The following FOXN1 variants were observed in gnomAD, a reference collection of about 807,000 sequenced individuals.
FOXN1 encodes forkhead box N1.
In FOXN1, 15 loss-of-function variants were observed where a neutral mutation model predicts 49.0. The ratio of observed to expected loss-of-function variants is 0.31; its 90% CI spans 0.20 to 0.47. The LOEUF (loss-of-function observed/expected upper bound fraction) is 0.47, where lower values mean the gene tolerates loss of function less well. Among genes scored for constraint, FOXN1 ranks in the 20% least tolerant of loss-of-function variants. FOXN1 has a pLI of 1.00. For synonymous variants in FOXN1, 356 were observed against 369.0 expected, an observed-to-expected ratio of 0.96 and a Z score of 0.40; for missense variants, 800 against 842.8, an observed-to-expected ratio of 0.95 and a Z score of 0.63.
chr17:28,527,200 G>A lies in FOXN1; in HGVS notation c.589-51G>A, dbSNP rs758508712. On this transcript the variant is annotated intron_variant, in intron 3 of 8. Transcript: ENST00000579795. ...TGTAAGGTTCAAGACACAGGAAAGA[G>A]GAAGGGAGAAAATAAGGCCTAATCT... 20 of 1,232,078 alleles carry A rather than the reference G, an allele frequency of 1.6e-5. No individual in the cohort carries two copies. The Middle Eastern group carries it at 5.6e-4, about 35-fold the overall frequency. The allele number at this position is 1,232,078 out of a possible 1,614,324, so 76.3% of individuals were successfully genotyped here.
Position 28,524,872 on chromosome 17 carries a change from G to C in FOXN1, c.493G>C (p.Val165Leu). The C allele has an allele frequency of 1.2e-6, 2 of 1,613,696 alleles. No individual in the cohort carries two copies. Among genetic ancestry groups the C allele is most frequent in the Middle Eastern group, 1.7e-4 (1 of 6,056 alleles). Residue 165 changes from valine to leucine, a missense_variant, in exon 3 of 9, where the codon GTG (valine) becomes CTG (leucine). By Grantham distance (32) the Val-to-Leu change is conservative (BLOSUM62 1). This residue lies in a region of FOXN1 where 383 missense variants were observed against 357.9 expected (regional missense o/e 1.07). Transcript: ENST00000579795. ...LEAFEEIPVD[V>L]AEAEAFLPGF... ...GGCCTTCGAGGAGATCCCAGTGGAC[G>C]TGGCGGAGGCCGAGGCCTTCCTGCC... is the stretch of plus-strand genomic sequence containing the variant.
Position 28,524,963 on chromosome 17 carries a change from T to C in FOXN1, c.584T>C (p.Val195Ala). 1.2e-6 allele frequency: 2 copies of C among 1,606,596 alleles called. No individual in the cohort carries two copies. Among genetic ancestry groups the C allele is most frequent in the Non-Finnish European group, 1.7e-6 (2 of 1,176,914 alleles). Reference sequence around the variant, plus strand: ...CCCAGCCAGGAGCATGGCCCCCAAGTCCTGGTGAGTACTAGTGGCCAGCGA... The same window carrying C: ...CCCAGCCAGGAGCATGGCCCCCAAGCCCTGGTGAGTACTAGTGGCCAGCGA... ...PYPSQEHGPQVLGSEVKVKPP... is the reference protein window; with the variant it reads ...PYPSQEHGPQALGSEVKVKPP... Residue 195 changes from valine to alanine, a missense_variant, in exon 3 of 9, where the codon GTC becomes GCC. Physicochemically the swap from Val to Ala is moderately conservative, Grantham distance 64 (BLOSUM62 0). Transcript: ENST00000579795.
At chr17:28,523,795 TCTCTCTCTCTCTC>T (rs1597549397) in intron 1 of FOXN1, 148 bp from the exon 2 acceptor site, 11 of 18,516 alleles carry the variant, frequency 5.9e-4, no homozygotes, top group Non-Finnish European at 1.8e-3. Context: ...TCTCTGGTTC[TCTCTCTCTCTCTC>T]TCTCTCTCTC....
chr17:28,537,272 G>T lies in FOXN1; in HGVS notation c.1783G>T (p.Gly595Cys). Residue 595 changes from glycine (G) to cysteine (C), a missense_variant, in exon 9 of 9, where the codon GGT (glycine) becomes TGT (cysteine). Around this residue, in one of 3 missense-constraint regions of FOXN1, gnomAD observed 344 missense variants for 366.1 expected, o/e 0.94. Transcript: ENST00000579795. ...TCTGACAGAGACAGGCAGTGGGGCA[G>T]GTGACTTGGCAGCCCCGGGCAGTGG... ...PCLTETGSGA[G>C]DLAAPGSGGS... The T allele has an allele frequency of 6.2e-7, 1 of 1,614,058 alleles. No individual in the cohort carries two copies. The highest frequency in any genetic ancestry group is 1.1e-5 in the South Asian group (1 of 91,082).
chr17:28,533,287 C>T (rs2069959759), intron 6 of FOXN1, among the ~76,000 whole-genome samples: 1 of 152,022 alleles, frequency 6.6e-6, no homozygotes, highest in Admixed American at 6.5e-5. Context: ...CCACAGTCAG[C>T]CCCTGCTGAA....
rs10527420 is a variant in FOXN1, at chr17:28,523,792, T to TTCTCTCTC, written c.-14-131_-14-124dup. 5.1e-3 allele frequency: 3,282 copies of TTCTCTCTC among 649,048 alleles called. 17 individuals are homozygous for TTCTCTCTC. Among genetic ancestry groups the TTCTCTCTC allele is most frequent in the African/African-American group, 0.014 (700 of 51,622 alleles). The allele number at this position is 649,048 out of a possible 1,614,324, so 40.2% of individuals were successfully genotyped here. ...TCTCTTTCTCTCTCTCGCTCTCTGG[T>TTCTCTCTC]TCTCTCTCTCTCTCTCTCTCTCTCT... On this transcript the variant is annotated intron_variant, in intron 1 of 8. Transcript: ENST00000579795.
chr17:28,513,534 C>T (rs1410047914), intron 1 of FOXN1, among the ~76,000 whole-genome samples: 1 of 152,234 alleles, frequency 6.6e-6, no homozygotes, highest in Non-Finnish European at 1.5e-5. Context: ...TCTATCCACC[C>T]ATCCATCCAG....
intron 1 of FOXN1, among the ~76,000 whole-genome samples, chr17:28,522,429 C>T (rs2069659874): frequency 6.6e-6 from 1 of 152,160 alleles, no homozygotes; most frequent in Non-Finnish European, 1.5e-5. Flanking sequence ...GGCAGATCAT[C>T]TGAGGTCAGG....
intron 1 of FOXN1, among the ~76,000 whole-genome samples, chr17:28,513,379 A>G (rs1327450994): frequency 6.6e-6 from 1 of 151,952 alleles, no homozygotes; most frequent in Non-Finnish European, 1.5e-5. Flanking sequence ...TCACAGAAAT[A>G]AAAATACTTA....
chr17:28,524,699 C>A lies in FOXN1; in HGVS notation c.320C>A (p.Ala107Asp). 1 of 1,612,892 alleles carries A rather than the reference C, an allele frequency of 6.2e-7. No homozygotes were observed. Among genetic ancestry groups the A allele is most frequent in the Non-Finnish European group, 8.5e-7 (1 of 1,179,602 alleles). The change falls in exon 3 of 9, where the codon GCC (alanine) becomes GAC (aspartate). Residue 107 changes from alanine to aspartate, a missense_variant. Coordinates refer to ENST00000579795, the MANE Select transcript of FOXN1 (RefSeq NM_001369369.1). ...DKYPGFGFEEAAASSPGRFLK... is the reference protein window; with the variant it reads ...DKYPGFGFEEDAASSPGRFLK... ...TATCCTGGCTTTGGCTTTGAGGAGG[C>A]CGCAGCAAGCAGCCCTGGGCGATTC...
chr17:28,537,534 A>T lies in FOXN1; in HGVS notation c.*98A>T. ...ACCTTAAAGGTCAAGGAAGGAAAAT[A>T]CTACCTGTCCCCTATGCCACTAAGC... On this transcript the variant is annotated 3_prime_UTR_variant, in exon 9 of 9. Coordinates refer to ENST00000579795, the MANE Select transcript of FOXN1 (RefSeq NM_001369369.1). 1.1e-6 allele frequency: 1 copy of T among 938,574 alleles called. No homozygotes were observed. Among genetic ancestry groups the T allele is most frequent in the Non-Finnish European group, 1.7e-6 (1 of 590,112 alleles). 58.1% of individuals were successfully genotyped at this position (938,574 alleles called of 1,614,324 possible). A position where few individuals can be genotyped will look rare whatever the true frequency, so the allele number is the denominator to read the frequency against.
intron 6 of FOXN1, among the ~76,000 whole-genome samples, chr17:28,533,977 G>A (rs896148249): frequency 1.3e-5 from 2 of 152,224 alleles, no homozygotes; most frequent in African/African-American, 2.4e-5. Flanking sequence ...GACCCAGTGG[G>A]GAGTGGCTCA....
At chr17:28,531,897 C>A (rs2069923796) in intron 6 of FOXN1, among the ~76,000 whole-genome samples, 1 of 152,086 alleles carries the variant, frequency 6.6e-6, no homozygotes, top group Non-Finnish European at 1.5e-5. Flanking sequence ...GGCAAGTTGG[C>A]CGGAGTGGTC....
chr17:28,511,365 C>A (rs2069392919), intron 1 of FOXN1, among the ~76,000 whole-genome samples: 1 of 152,184 alleles, frequency 6.6e-6, no homozygotes, highest in Non-Finnish European at 1.5e-5. Flanking sequence ...AGGCCCCTGG[C>A]CCAACGGACA....
At chr17:28,523,081 G>A (rs530608430) in intron 1 of FOXN1, among the ~76,000 whole-genome samples, 4 of 152,326 alleles carry the variant, frequency 2.6e-5, no homozygotes, top group African/African-American at 9.6e-5. Flanking sequence ...TTTGAGGCCT[G>A]AGTCCTCTTA....
chr17:28,530,620 T>G (rs1311558729), intron 5 of FOXN1, 129 bp from the exon 6 acceptor site: 1 of 708,556 alleles, frequency 1.4e-6, no homozygotes, highest in East Asian at 2.6e-5. Flanking sequence ...CTCACTTCAA[T>G]GGACACCTTC....
At chr17:28,532,217 A>T (rs2069932526) in intron 6 of FOXN1, among the ~76,000 whole-genome samples, 1 of 151,730 alleles carries the variant, frequency 6.6e-6, no homozygotes, top group South Asian at 2.1e-4. Flanking sequence ...TTTTCCTGGG[A>T]GCCATGTAAT....
At chr17:28,527,862 C>T (rs2069809667) in intron 4 of FOXN1, among the ~76,000 whole-genome samples, 1 of 152,234 alleles carries the variant, frequency 6.6e-6, no homozygotes, top group African/African-American at 2.4e-5. Flanking sequence ...GACTCCAAGT[C>T]CCCATCATCT....
At position 28,527,357 on chromosome 17, in the gene FOXN1, A is replaced by C; in HGVS notation, c.695A>C (p.His232Pro). The C allele has an allele frequency of 6.2e-7, 1 of 1,600,944 alleles. No individual in the cohort carries two copies. The highest frequency in any genetic ancestry group is 1.1e-5 in the South Asian group (1 of 90,444). ...TACTGCTCCTCCCAGCCCCCCTTCCACCAGGTGGGTCTGGGGCAAGTGGGC... is the reference window on the plus strand; with the variant it reads ...TACTGCTCCTCCCAGCCCCCCTTCCCCCAGGTGGGTCTGGGGCAAGTGGGC... The part of the protein sequence containing the change: ...HMYCSSQPPF[H>P]QYSPGGGSYP... Residue 232 changes from histidine (H) to proline (P), a missense_variant, in exon 4 of 9, where the codon CAC becomes CCC. His to Pro is a moderately conservative substitution (Grantham distance 77, BLOSUM62 -2). Around this residue, in one of 3 missense-constraint regions of FOXN1, gnomAD observed 383 missense variants for 357.9 expected, o/e 1.07. Transcript: ENST00000579795.
Sources: gnomAD v4.1 joint callset for allele counts (sites outside exome capture counted in the v4.1 genomes callset) on GRCh38, gnomAD v4.1.1 for gene constraint, gnomAD v4.1.1 regional missense constraint, MANE v1.5 for transcripts, NCBI Gene and HGNC (gene_info 2026-07-23, HGNC 2026-07-21) for gene names.